The following ADAM12 variants were observed in gnomAD, a reference collection of about 807,000 sequenced individuals.
The protein encoded by ADAM12 is ADAM metallopeptidase domain 12.
Under a neutral mutation model 106.4 loss-of-function variants are expected in ADAM12, and 70 were observed. That is an observed-to-expected ratio of 0.66 (90% CI 0.54 to 0.80). The LOEUF is 0.80. Among genes scored for constraint, ADAM12 ranks in the 30% least tolerant of loss-of-function variants. The pLI, the probability that ADAM12 is intolerant of heterozygous loss-of-function variation, is 0.00. For synonymous variants in ADAM12, 420 were observed against 433.5 expected, an observed-to-expected ratio of 0.97 and a Z score of 0.39; for missense variants, 1,010 against 1,171.9, an observed-to-expected ratio of 0.86 and a Z score of 2.02.
intron 6 of ADAM12, among the ~76,000 whole-genome samples, chr10:126,115,448 G>A (rs1955963437): frequency 1.3e-5 from 2 of 152,168 alleles, no homozygotes. Context: ...GAGAGAACGA[G>A]CTGACTGTGA....
intron 6 of ADAM12, among the ~76,000 whole-genome samples, chr10:126,117,374 C>T (rs1435658112): frequency 6.6e-6 from 1 of 152,184 alleles, no homozygotes; most frequent in Non-Finnish European, 1.5e-5. Context: ...AAAAGGAAGA[C>T]ATTTTATCAG....
At chr10:126,093,880 T>C (rs1955508876) in intron 11 of ADAM12, 105 bp downstream of exon 11, 1 of 1,524,316 alleles carries the variant, frequency 6.6e-7, no homozygotes, top group Non-Finnish European at 8.9e-7. Context: ...GAAGCTTCCC[T>C]GGGTGCTCTG....
chr10:126,383,203 A>C (rs1412071692), intron 1 of ADAM12, among the ~76,000 whole-genome samples: 1 of 152,044 alleles, frequency 6.6e-6, no homozygotes, highest in Non-Finnish European at 1.5e-5. Flanking sequence ...GGGCTCAAGC[A>C]ATCCTCCTGC....
At chr10:126,245,400 G>A (rs73384717) in intron 3 of ADAM12, among the ~76,000 whole-genome samples, 202 of 152,266 alleles carry the variant, frequency 1.3e-3, no homozygotes, top group African/African-American at 4.5e-3. Flanking sequence ...AAAGGAATGC[G>A]CACAATTGGG....
At chr10:126,081,725 A>T (rs192708936) in intron 11 of ADAM12, among the ~76,000 whole-genome samples, 4 of 152,232 alleles carry the variant, frequency 2.6e-5, no homozygotes, top group Non-Finnish European at 4.4e-5. Flanking sequence ...ACGAGCTTCA[A>T]ACAAAAAGAT....
At chr10:126,375,710 AAC>A (rs1491181788) in intron 1 of ADAM12, among the ~76,000 whole-genome samples, 10,106 of 149,618 alleles carry the variant, frequency 0.068, 466 homozygotes, top group East Asian at 0.15. Flanking sequence ...AAAAAAAAAA[AAC>A]AAGGAGACTA....
chr10:126,128,436 T>C (rs1203135050), intron 5 of ADAM12, among the ~76,000 whole-genome samples: 2 of 152,210 alleles, frequency 1.3e-5, no homozygotes, highest in Non-Finnish European at 2.9e-5. Context: ...ATCTGCCCCA[T>C]TCTCATGAAA....
chr10:126,029,547 C>T (rs1024649318), intron 21 of ADAM12, among the ~76,000 whole-genome samples: 1 of 152,102 alleles, frequency 6.6e-6, no homozygotes, highest in Non-Finnish European at 1.5e-5. Flanking sequence ...GATGAGAACA[C>T]ATGGACACAA....
At chr10:126,138,716 T>G (rs1956452389) in intron 4 of ADAM12, among the ~76,000 whole-genome samples, 1 of 152,196 alleles carries the variant, frequency 6.6e-6, no homozygotes, top group East Asian at 1.9e-4. Flanking sequence ...GCTCAAAATT[T>G]TGATGAGGTC....
intron 3 of ADAM12, among the ~76,000 whole-genome samples, chr10:126,240,777 T>C (rs1376321926): frequency 3.9e-5 from 6 of 152,210 alleles, no homozygotes; most frequent in Non-Finnish European, 2.9e-5. Context: ...TGCAGGCCGA[T>C]AGCAGGGCAC....
At chr10:126,072,180 C>T (rs915632863) in intron 11 of ADAM12, among the ~76,000 whole-genome samples, 1 of 152,140 alleles carries the variant, frequency 6.6e-6, no homozygotes, top group Non-Finnish European at 1.5e-5. Flanking sequence ...TCCCTATCTT[C>T]CCCCAGCACA....
chr10:126,361,497 A>G (rs1216435871), intron 1 of ADAM12, among the ~76,000 whole-genome samples: 1 of 152,230 alleles, frequency 6.6e-6, no homozygotes, highest in Non-Finnish European at 1.5e-5. Flanking sequence ...GAGCAAAAAG[A>G]ACAAAGCTGA....
At chr10:126,036,096 C>T in intron 21 of ADAM12, 50 bp downstream of exon 21, 1 of 1,330,150 alleles carries the variant, frequency 7.5e-7, no homozygotes, top group Non-Finnish European at 9.7e-7. Flanking sequence ...TAACAAGTAG[C>T]AGAATCTGGA....
At chr10:126,291,298 T>C (rs1040458958) in intron 2 of ADAM12, among the ~76,000 whole-genome samples, 1 of 152,250 alleles carries the variant, frequency 6.6e-6, no homozygotes, top group Non-Finnish European at 1.5e-5. Context: ...AGCATCACTG[T>C]AATGTCTTTC....
At chr10:126,325,774 A>G (rs991727049) in intron 2 of ADAM12, among the ~76,000 whole-genome samples, 1 of 152,194 alleles carries the variant, frequency 6.6e-6, no homozygotes, top group African/African-American at 2.4e-5. Context: ...TTTGGTTCCT[A>G]AAGACACTGT....
chr10:126,051,920 G>C (rs1954514561), intron 14 of ADAM12, among the ~76,000 whole-genome samples: 1 of 152,172 alleles, frequency 6.6e-6, no homozygotes, highest in Non-Finnish European at 1.5e-5. Flanking sequence ...TGCTTTTAAA[G>C]GCAGGCTGGT....
intron 2 of ADAM12, among the ~76,000 whole-genome samples, chr10:126,292,034 A>G (rs728104): frequency 0.76 from 115,532 of 151,600 alleles, 44,504 homozygotes; most frequent in Middle Eastern, 0.83. Flanking sequence ...AAGCCCAGAC[A>G]TACTTATGAA....
chr10:126,383,506 C>T (rs1856559552), intron 1 of ADAM12, among the ~76,000 whole-genome samples: 1 of 151,926 alleles, frequency 6.6e-6, no homozygotes, highest in Admixed American at 6.6e-5. Flanking sequence ...ACTGAAGGGG[C>T]CCACTGAGTT....
chr10:126,300,240 A>C (rs771247301), intron 2 of ADAM12, among the ~76,000 whole-genome samples: 26 of 152,122 alleles, frequency 1.7e-4, no homozygotes, highest in Non-Finnish European at 2.6e-4. Flanking sequence ...TAAAGCTCTA[A>C]TGTGGCCCAG....
Sources: gnomAD v4.1 joint callset for allele counts (sites outside exome capture counted in the v4.1 genomes callset) on GRCh38, gnomAD v4.1.1 for gene constraint, MANE v1.5 for transcripts, NCBI Gene and HGNC (gene_info 2026-07-23, HGNC 2026-07-21) for gene names.